Variants in LUC7L3 observed in about 807,000 individuals in gnomAD.
LUC7L3 encodes the protein luc7-like protein 3.
A neutral mutation model predicts 66.8 loss-of-function variants in LUC7L3; 6 were observed. The observed-to-expected ratio is 0.09, with a 90% CI of 0.05 to 0.18. LUC7L3 has a LOEUF of 0.18. Among genes scored for constraint, LUC7L3 ranks in the 10% least tolerant of loss-of-function variants. LUC7L3 has a pLI of 1.00. For missense variants in LUC7L3, 341 were observed against 531.1 expected, an observed-to-expected ratio of 0.64 and a Z score of 3.52; for synonymous variants, 160 against 174.7, an observed-to-expected ratio of 0.92 and a Z score of 0.66.
At chr17:50,743,835 T>C in intron 6 of LUC7L3, 25 bp downstream of exon 6, 1 of 1,494,162 alleles carries the variant, frequency 6.7e-7, no homozygotes, top group Admixed American at 1.8e-5. Flanking sequence ...TTTCACATTA[T>C]CTCATCTGTC....
chr17:50,737,908 A>T (rs917577508), intron 2 of LUC7L3, among the ~76,000 whole-genome samples: 3 of 152,224 alleles, frequency 2.0e-5, no homozygotes, highest in Non-Finnish European at 2.9e-5. Flanking sequence ...CATAACCAGG[A>T]TCATTCTGGA....
chr17:50,733,844 A>G (rs1335174364), intron 1 of LUC7L3, among the ~76,000 whole-genome samples: 1 of 152,244 alleles, frequency 6.6e-6, no homozygotes, highest in East Asian at 1.9e-4. Context: ...TTGAGTCTTC[A>G]AAACAGGGTT....
At chr17:50,722,859 G>A (rs1968885670) in intron 1 of LUC7L3, 1 of 152,162 alleles carries the variant, frequency 6.6e-6, no homozygotes, top group African/African-American at 2.4e-5. Flanking sequence ...AAGTGAAGTC[G>A]GCTTTAATAC....
chr17:50,741,602 G>T (rs1597926155), intron 4 of LUC7L3, 55 bp from the exon 5 acceptor site: 2 of 1,088,128 alleles, frequency 1.8e-6, no homozygotes, highest in African/African-American at 3.1e-5. Context: ...GTGCAAGTTT[G>T]CATGTTTATC....
intron 1 of LUC7L3, chr17:50,722,185 T>C (rs72839252): frequency 0.084 from 11,678 of 139,590 alleles, 658 homozygotes; most frequent in Middle Eastern, 0.15. Flanking sequence ...GCTCCTCTTA[T>C]GCATTCTTTT....
At chr17:50,741,546 T>G in intron 4 of LUC7L3, 111 bp from the exon 5 acceptor site, 1 of 653,436 alleles carries the variant, frequency 1.5e-6, no homozygotes, top group Non-Finnish European at 2.6e-6. Flanking sequence ...TACTATCCTT[T>G]CAATTAAGCA....
intron 1 of LUC7L3, among the ~76,000 whole-genome samples, chr17:50,734,766 G>A (rs1969865839): frequency 6.6e-6 from 1 of 152,188 alleles, no homozygotes; most frequent in Admixed American, 6.5e-5. Context: ...GGCTTGCCTA[G>A]CTTAAACTTA....
At position 50,741,629 on chromosome 17, in the gene LUC7L3, TGGTAATAC is replaced by T; in HGVS notation, c.352-26_352-19del. On this transcript the variant is annotated intron_variant, in intron 4 of 9. Transcript: ENST00000505658. ...ATGTTTATCTTTGTTTTCAACTTGTTGGTAATACGTTTTATTGTCTTCAATAGGCCGCT... is the reference window on the plus strand; with the variant it reads ...ATGTTTATCTTTGTTTTCAACTTGTTGTTTTATTGTCTTCAATAGGCCGCT... 2 of 1,488,262 alleles carry T rather than the reference TGGTAATAC, an allele frequency of 1.3e-6. No individual in the cohort carries two copies. The highest frequency in any genetic ancestry group is 1.9e-6 in the Non-Finnish European group (2 of 1,068,714). The allele number at this position is 1,488,262 out of a possible 1,614,324, so 92.2% of individuals were successfully genotyped here. A position where few individuals can be genotyped will look rare whatever the true frequency, so the allele number is the denominator to read the frequency against.
At chr17:50,719,925 A>C (rs1019402795) in intron 1 of LUC7L3, 94 bp downstream of exon 1, 2 of 1,153,172 alleles carry the variant, frequency 1.7e-6, no homozygotes, top group Middle Eastern at 2.5e-4. Flanking sequence ...CGATGTGGCC[A>C]GGGCCGCACC....
At chr17:50,750,127 C>T (rs1439311967) in intron 9 of LUC7L3, among the ~76,000 whole-genome samples, 2 of 152,102 alleles carry the variant, frequency 1.3e-5, no homozygotes, top group Non-Finnish European at 2.9e-5. Flanking sequence ...CATTTTTACC[C>T]TTCTAACTTA....
rs1971094801 is a variant in LUC7L3, at chr17:50,755,627, G to A, written c.*4966G>A. 1 of 152,152 alleles carries A rather than the reference G, an allele frequency of 6.6e-6. No individual in the cohort carries two copies. Among genetic ancestry groups the A allele is most frequent in the East Asian group, 1.9e-4 (1 of 5,198 alleles). 9.4% of individuals were successfully genotyped at this position (152,152 alleles called of 1,614,324 possible). A position where few individuals can be genotyped will look rare whatever the true frequency, so the allele number is the denominator to read the frequency against. On this transcript the variant is annotated 3_prime_UTR_variant, in exon 10 of 10. Coordinates refer to ENST00000505658, the MANE Select transcript of LUC7L3 (RefSeq NM_016424.5). Reference sequence around the variant, plus strand: ...GTCATTTGTCAACAGATTTAAGAATGTTTAGAAACAACAACTTTGGGAAAC... The same window carrying A: ...GTCATTTGTCAACAGATTTAAGAATATTTAGAAACAACAACTTTGGGAAAC...
Position 50,756,203 on chromosome 17 carries a change from AGAAG to A in LUC7L3, c.*5543_*5546del, listed in dbSNP as rs1405074441. 6.8e-6 allele frequency: 1 copy of A among 146,344 alleles called. No homozygotes were observed. The highest frequency in any genetic ancestry group is 1.5e-5 in the Non-Finnish European group (1 of 66,514). The allele number at this position is 146,344 out of a possible 1,614,324, so 9.1% of individuals were successfully genotyped here. ...TGATATTTCTTAATAAAATTTAAAA[AGAAG>A]AATGGGAAAAAAGTCTTGGTGTAGG... On this transcript the variant is annotated 3_prime_UTR_variant, in exon 10 of 10. Coordinates refer to ENST00000505658, the MANE Select transcript of LUC7L3 (RefSeq NM_016424.5).
At chr17:50,727,843 C>A (rs559303131) in intron 1 of LUC7L3, among the ~76,000 whole-genome samples, 27 of 151,982 alleles carry the variant, frequency 1.8e-4, no homozygotes, top group African/African-American at 6.5e-4. Context: ...TGGTGGCTCA[C>A]GCCAGTAATC....
intron 1 of LUC7L3, among the ~76,000 whole-genome samples, chr17:50,727,900 C>T (rs187835096): frequency 1.7e-3 from 261 of 150,314 alleles, no homozygotes; most frequent in Non-Finnish European, 2.7e-3. Flanking sequence ...GTCAGGAGAT[C>T]GAGACCATCC....
At chr17:50,742,439 A>C (rs938950934) in intron 5 of LUC7L3, among the ~76,000 whole-genome samples, 1 of 152,004 alleles carries the variant, frequency 6.6e-6, no homozygotes, top group African/African-American at 2.4e-5. Context: ...GCTCACTGCA[A>C]CCTCTGCCTC....
intron 1 of LUC7L3, chr17:50,723,393 A>C (rs1666268492): frequency 6.6e-6 from 1 of 152,496 alleles, no homozygotes; most frequent in Non-Finnish European, 1.5e-5. Context: ...TGTCATTGAC[A>C]CTGAAAAGTT....
rs1970951883 is a variant in LUC7L3, at chr17:50,751,005, TA to T, written c.*346del. On this transcript the variant is annotated 3_prime_UTR_variant, in exon 10 of 10. Transcript: ENST00000505658. ...TTTGATGTCATTTCTTTTTTTTTTT[TA>T]ATAAAAAGGTTGAACTGTTTTTTTT... 63 of 1,443,916 alleles carry T rather than the reference TA, an allele frequency of 4.4e-5. 1 individual carries two copies. In the South Asian group the frequency reaches 9.0e-4, roughly 21 times the overall value. 89.4% of individuals were successfully genotyped at this position (1,443,916 alleles called of 1,614,324 possible).
rs529275655 is a variant in LUC7L3, at chr17:50,752,323, TTTA to T, written c.*1678_*1680del. 8.8e-5 allele frequency: 71 copies of T among 810,476 alleles called. 1 individual carries two copies. Among genetic ancestry groups the T allele is most frequent in the South Asian group, 5.1e-4 (29 of 57,238 alleles). The allele number at this position is 810,476 out of a possible 1,614,324, so 50.2% of individuals were successfully genotyped here. A position where few individuals can be genotyped will look rare whatever the true frequency, so the allele number is the denominator to read the frequency against. On this transcript the variant is annotated 3_prime_UTR_variant, in exon 10 of 10. Transcript: ENST00000505658. ...AAAAGTATAAAGCTCAGTTAGTTTT[TTTA>T]TTATTATTATTATTAAAAGTTAATT...
At position 50,754,136 on chromosome 17, in the gene LUC7L3, G is replaced by A. The variant is rs1319505916; in HGVS notation, c.*3475G>A. On this transcript the variant is annotated 3_prime_UTR_variant, in exon 10 of 10. Transcript: ENST00000505658. ...ATGCAGACCAAAAAGTTATTAGTTG[G>A]TGAATATGTATTTTCTCTTTGGAAG... 1 of 152,092 alleles carries A rather than the reference G, an allele frequency of 6.6e-6. No homozygotes were observed. The highest frequency in any genetic ancestry group is 1.5e-5 in the Non-Finnish European group (1 of 68,030). 9.4% of individuals were successfully genotyped at this position (152,092 alleles called of 1,614,324 possible). A position where few individuals can be genotyped will look rare whatever the true frequency, so the allele number is the denominator to read the frequency against.
Sources: gnomAD v4.1 joint callset for allele counts (sites outside exome capture counted in the v4.1 genomes callset) on GRCh38, gnomAD v4.1.1 for gene constraint, MANE v1.5 for transcripts, NCBI Gene and HGNC (gene_info 2026-07-23, HGNC 2026-07-21) for gene names.